POU2F1: variants seen among roughly 807,000 people sequenced by gnomAD.
POU2F1 encodes POU domain, class 2, transcription factor 1.
In POU2F1, 16 loss-of-function variants were observed where a neutral mutation model predicts 84.9. That is an observed-to-expected ratio of 0.19 (90% CI 0.13 to 0.29). The LOEUF (loss-of-function observed/expected upper bound fraction) is 0.29. Ranked by LOEUF, POU2F1 falls within the 10% of genes least tolerant of loss-of-function variation. The pLI, the probability that POU2F1 is intolerant of heterozygous loss-of-function variation, is 1.00. For synonymous variants in POU2F1, 368 were observed against 368.3 expected, an observed-to-expected ratio of 1.00 and a Z score of 0.01; for missense variants, 738 against 942.6, an observed-to-expected ratio of 0.78 and a Z score of 2.84.
chr1:167,370,105 C>A, intron 3 of POU2F1, 56 bp from the exon 4 acceptor site: 2 of 1,424,620 alleles, frequency 1.4e-6, no homozygotes, highest in African/African-American at 1.4e-5. Context: ...GTGATGACAA[C>A]CCCTTGTGAT....
chr1:167,230,768 T>C (rs1039725458), intron 1 of POU2F1, among the ~76,000 whole-genome samples: 1 of 152,224 alleles, frequency 6.6e-6, no homozygotes, highest in Non-Finnish European at 1.5e-5. Flanking sequence ...AATCTTGTCC[T>C]AAGAGCCTTG....
At chr1:167,322,386 T>TTTTAAATTTAAACTAG (rs1194402150) in intron 1 of POU2F1, among the ~76,000 whole-genome samples, 5 of 152,242 alleles carry the variant, frequency 3.3e-5, no homozygotes, top group Non-Finnish European at 7.3e-5. Context: ...CTTGCACTCC[T>TTTTAAATTTAAACTAG]TTTAAATTTA....
At chr1:167,379,128 T>G (rs540417095) in intron 7 of POU2F1, 1 of 152,260 alleles carries the variant, frequency 6.6e-6, no homozygotes, top group South Asian at 2.1e-4. Flanking sequence ...AGACATGTCT[T>G]GCTGTGGTTG....
intron 2 of POU2F1, among the ~76,000 whole-genome samples, chr1:167,349,501 G>C (rs950341693): frequency 1.3e-5 from 2 of 151,980 alleles, no homozygotes; most frequent in African/African-American, 4.8e-5. Flanking sequence ...CTCCACGAAG[G>C]ACATTATTTT....
chr1:167,352,650 C>T (rs926313918), intron 2 of POU2F1, among the ~76,000 whole-genome samples: 3 of 152,158 alleles, frequency 2.0e-5, no homozygotes, highest in Non-Finnish European at 4.4e-5. Flanking sequence ...ATTTGTAAAA[C>T]AAGGAGCTTG....
At chr1:167,242,307 A>G (rs955303697) in intron 1 of POU2F1, among the ~76,000 whole-genome samples, 2 of 152,246 alleles carry the variant, frequency 1.3e-5, no homozygotes, top group African/African-American at 2.4e-5. Flanking sequence ...GAATTTCAGC[A>G]CTATGAGCAG....
rs71572446 is a variant in POU2F1 at position 167,319,746 on chromosome 1, A to T, written c.62-12724A>T. Among the ~76,000 whole-genome samples the T allele has an allele frequency of 6.6e-5, 10 of 152,090 alleles. No individual in the cohort carries two copies. The East Asian group carries it at 1.6e-3, about 24-fold the overall frequency. On this transcript the variant is annotated intron_variant, in intron 1 of 15. Coordinates refer to ENST00000367866, the MANE Select transcript of POU2F1 (RefSeq NM_002697.4). ...ACAAAGTGAGAAAATGTATCTACAC[A>T]TACGTGCACATAAGCTAGTCTCCCA...
intron 1 of POU2F1, among the ~76,000 whole-genome samples, chr1:167,315,889 A>G (rs1655859089): frequency 6.6e-6 from 1 of 152,216 alleles, no homozygotes; most frequent in Non-Finnish European, 1.5e-5. Flanking sequence ...TCAACGAGAA[A>G]AAGGAATAAC....
rs1159444554 is a variant in POU2F1 at position 167,413,085 on chromosome 1, T to C, written c.1961T>C (p.Met654Thr). Residue 654 changes from methionine (M) to threonine (T), a missense_variant, in exon 15 of 16, where the codon ATG (methionine) becomes ACG (threonine). By Grantham distance (81) the Met-to-Thr change is moderately conservative. Transcript: ENST00000367866. Reference sequence around the variant, plus strand: ...AGCGGTGCTCTCAGCCCAGCTCTAATGAGCAACAGTACACTGGCAACTATT... The same window carrying C: ...AGCGGTGCTCTCAGCCCAGCTCTAACGAGCAACAGTACACTGGCAACTATT... ...TLSGALSPAL[M>T]SNSTLATIQA... 2 of 1,613,890 alleles carry C rather than the reference T, an allele frequency of 1.2e-6. No individual in the cohort carries two copies. The highest frequency in any genetic ancestry group is 2.2e-5 in the East Asian group (1 of 44,888).
At chr1:167,367,257 A>G (rs577318697) in intron 3 of POU2F1, among the ~76,000 whole-genome samples, 3 of 152,182 alleles carry the variant, frequency 2.0e-5, no homozygotes, top group African/African-American at 7.2e-5. Flanking sequence ...TTTCCTTACC[A>G]TAATTATAAT....
At chr1:167,264,463 C>T (rs1488740267) in intron 1 of POU2F1, among the ~76,000 whole-genome samples, 2 of 151,956 alleles carry the variant, frequency 1.3e-5, no homozygotes, top group Non-Finnish European at 2.9e-5. Flanking sequence ...TAAGGAGGAA[C>T]CAGATCATAT....
chr1:167,363,794 C>G (rs947555668), intron 2 of POU2F1, among the ~76,000 whole-genome samples: 1 of 152,162 alleles, frequency 6.6e-6, no homozygotes, highest in African/African-American at 2.4e-5. Context: ...ATAATTATCT[C>G]AAGGAAACAA....
At chr1:167,250,569 G>GAT (rs1650651787) in intron 1 of POU2F1, among the ~76,000 whole-genome samples, 1 of 152,196 alleles carries the variant, frequency 6.6e-6, no homozygotes, top group African/African-American at 2.4e-5. Context: ...CCCCTCAGAG[G>GAT]ATACTACTTT....
rs559386686 is a variant in POU2F1 at position 167,343,521 on chromosome 1, G to A, written c.127+10986G>A. ...TGGTATAAAAGAATTTTCCAGCCAT[G>A]TTATACTTTACATCTTGCTTGAAGC... On this transcript the variant is annotated intron_variant, in intron 2 of 15. Coordinates refer to ENST00000367866, the MANE Select transcript of POU2F1 (RefSeq NM_002697.4). Among the ~76,000 whole-genome samples, 6 of 150,362 alleles carry A rather than the reference G, an allele frequency of 4.0e-5. No individual in the cohort carries two copies. In the South Asian group the frequency reaches 8.4e-4, roughly 21 times the overall value.
At chr1:167,307,864 T>C (rs113381125) in intron 1 of POU2F1, among the ~76,000 whole-genome samples, 5 of 152,302 alleles carry the variant, frequency 3.3e-5, no homozygotes, top group African/African-American at 1.2e-4. Context: ...TTGTTCAATC[T>C]GGAATAGTTC....
At chr1:167,354,730 G>A (rs1406489701) in intron 2 of POU2F1, among the ~76,000 whole-genome samples, 1 of 152,132 alleles carries the variant, frequency 6.6e-6, no homozygotes, top group African/African-American at 2.4e-5. Flanking sequence ...AATTTATCAG[G>A]TGTAAAATGG....
At chr1:167,411,843 G>C (rs1649986304) in intron 13 of POU2F1, 116 bp from the exon 14 acceptor site, 7 of 954,264 alleles carry the variant, frequency 7.3e-6, no homozygotes, top group Non-Finnish European at 1.1e-5. Context: ...TTAAAGGACA[G>C]CTTTACTAGG....
At chr1:167,289,916 A>G (rs115000211) in intron 1 of POU2F1, among the ~76,000 whole-genome samples, 146 of 152,326 alleles carry the variant, frequency 9.6e-4, no homozygotes, top group African/African-American at 3.5e-3. Context: ...ACATTTTTAC[A>G]TAGGGAGACA....
chr1:167,293,467 G>A (rs1654063008), intron 1 of POU2F1, among the ~76,000 whole-genome samples: 1 of 152,214 alleles, frequency 6.6e-6, no homozygotes, highest in South Asian at 2.1e-4. Context: ...ACTGCTGAAA[G>A]AAGTCATAGA....
Sources: gnomAD v4.1 joint callset for allele counts (sites outside exome capture counted in the v4.1 genomes callset) on GRCh38, gnomAD v4.1.1 for gene constraint, MANE v1.5 for transcripts, NCBI Gene and HGNC (gene_info 2026-07-23, HGNC 2026-07-21) for gene names.